The following ZNF460 variants were observed in gnomAD, a reference collection of about 807,000 sequenced individuals.
ZNF460 encodes the protein zinc finger protein 272.
Under a neutral mutation model 8.4 loss-of-function variants are expected in ZNF460, and 1 was observed. The ratio of observed to expected loss-of-function variants is 0.12; its 90% CI spans 0.04 to 0.56. The LOEUF is 0.56. Among genes scored for constraint, ZNF460 ranks in the 20% least tolerant of loss-of-function variants. ZNF460 has a pLI of 0.91. For synonymous variants in ZNF460, 262 were observed against 259.9 expected, an observed-to-expected ratio of 1.01 and a Z score of -0.08; for missense variants, 477 against 714.8, an observed-to-expected ratio of 0.67 and a Z score of 3.79.
Position 57,292,218 on chromosome 19 carries a change from C to G in ZNF460, c.1677C>G (p.Thr559=), listed in dbSNP as rs779941803. Reference sequence around the variant, plus strand: ...TCAACGGATTCATAGTGGAAGAAACCCTACCATTGTAACAGATGTGGAAAG... The same window carrying G: ...TCAACGGATTCATAGTGGAAGAAACGCTACCATTGTAACAGATGTGGAAAG... ...LDINGFIVEE[T]LPL is the part of the protein sequence containing the mutation. The change falls in exon 3 of 3, where the codon ACC becomes ACG. Residue 559 remains threonine, a synonymous_variant. Coordinates refer to ENST00000360338, the MANE Select transcript of ZNF460 (RefSeq NM_006635.4). 5 of 1,610,274 alleles carry G rather than the reference C, an allele frequency of 3.1e-6. 1 individual carries two copies. Among genetic ancestry groups the G allele is most frequent in the Middle Eastern group, 3.3e-4 (2 of 6,038 alleles).
chr19:57,284,402 T>G, intron 1 of ZNF460, 149 bp from the exon 2 acceptor site: 1 of 966,350 alleles, frequency 1.0e-6, no homozygotes, highest in South Asian at 1.7e-5. Context: ...CACATTCCCC[T>G]TGATCCTAGC....
intron 1 of ZNF460, among the ~76,000 whole-genome samples, chr19:57,283,000 A>AG (rs1262861506): frequency 1.3e-5 from 2 of 151,580 alleles, no homozygotes; most frequent in African/African-American, 2.4e-5. Context: ...AAAAAAAAAA[A>AG]AGAGAGAGAC....
intron 1 of ZNF460, among the ~76,000 whole-genome samples, chr19:57,282,408 A>G (rs1054809241): frequency 1.2e-4 from 19 of 152,218 alleles, no homozygotes; most frequent in African/African-American, 4.3e-4. Flanking sequence ...GATGCCTGCT[A>G]GTAGGACTTA....
At chr19:57,286,482 C>A (rs1324736454) in intron 2 of ZNF460, among the ~76,000 whole-genome samples, 1 of 152,096 alleles carries the variant, frequency 6.6e-6, no homozygotes, top group African/African-American at 2.4e-5. Flanking sequence ...AACAATAATG[C>A]AGTCAAGTCA....
chr19:57,285,315 C>T (rs1332970539), intron 2 of ZNF460, among the ~76,000 whole-genome samples: 1 of 152,202 alleles, frequency 6.6e-6, no homozygotes, highest in Non-Finnish European at 1.5e-5. Flanking sequence ...CTGGTGCTGG[C>T]TTCCCTTTAT....
chr19:57,287,975 C>G (rs1223882766), intron 2 of ZNF460, among the ~76,000 whole-genome samples: 1 of 152,000 alleles, frequency 6.6e-6, no homozygotes, highest in Non-Finnish European at 1.5e-5. Context: ...GACGACAGAG[C>G]GAGACCCCAT....
intron 1 of ZNF460, among the ~76,000 whole-genome samples, chr19:57,284,212 AT>A (rs1476762341): frequency 7.3e-5 from 11 of 149,728 alleles, no homozygotes; most frequent in South Asian, 4.2e-4. Flanking sequence ...TTATTTATTT[AT>A]TTATTTTTTA....
chr19:57,293,297 A>G lies in ZNF460; in HGVS notation c.*1067A>G, dbSNP rs2087932509. The G allele has an allele frequency of 6.6e-6, 1 of 152,218 alleles. No individual in the cohort carries two copies. The highest frequency in any genetic ancestry group is 2.1e-4 in the South Asian group (1 of 4,834). The allele number at this position is 152,218 out of a possible 1,614,324, so 9.4% of individuals were successfully genotyped here. A position where few individuals can be genotyped will look rare whatever the true frequency, so the allele number is the denominator to read the frequency against. On this transcript the variant is annotated 3_prime_UTR_variant, in exon 3 of 3. Coordinates refer to ENST00000360338, the MANE Select transcript of ZNF460 (RefSeq NM_006635.4). ...TGATAAACTCAGAAAATAAACACAG[A>G]GAAGGAATCTCATTTTTCAGTCTTA...
intron 2 of ZNF460, among the ~76,000 whole-genome samples, 200 bp downstream of exon 2, chr19:57,284,877 C>T (rs1246445242): frequency 5.5e-5 from 8 of 145,972 alleles, no homozygotes; most frequent in Admixed American, 1.4e-4. Context: ...AGTGAAATGG[C>T]GTGACCTTGG....
intron 2 of ZNF460, among the ~76,000 whole-genome samples, chr19:57,286,833 A>G (rs534758843): frequency 2.3e-3 from 355 of 151,920 alleles, no homozygotes; most frequent in Non-Finnish European, 4.0e-3. Context: ...GCGTGGCGGT[A>G]CACACCTGTA....
intron 2 of ZNF460, among the ~76,000 whole-genome samples, chr19:57,289,788 G>A (rs2087903756): frequency 6.6e-6 from 1 of 151,936 alleles, no homozygotes; most frequent in South Asian, 2.1e-4. Context: ...GATTACTTGA[G>A]CCCAGGAGTT....
At chr19:57,286,403 C>T (rs570626223) in intron 2 of ZNF460, among the ~76,000 whole-genome samples, 144 of 152,260 alleles carry the variant, frequency 9.5e-4, no homozygotes, top group Non-Finnish European at 1.9e-3. Context: ...TATGTGTGTT[C>T]TGACTGCTCC....
In ZNF460 at chr19:57,290,909, G is replaced by T. The variant is rs778744860; in HGVS notation, c.368G>T (p.Ser123Ile). Residue 123 changes from serine (S) to isoleucine (I), a missense_variant, in exon 3 of 3, where the codon AGC becomes ATC. By Grantham distance (142) the Ser-to-Ile change is moderately radical. This residue lies in a region of ZNF460 where 169 missense variants were observed against 178.6 expected (regional missense o/e 0.95). Coordinates refer to ENST00000360338, the MANE Select transcript of ZNF460 (RefSeq NM_006635.4). ...AGTGAGAAACTCCATGGGAAAATGA[G>T]CCTTGAACACGAAGGTTTGGCGACA... ...PQSEKLHGKM[S>I]LEHEGLATAD... 3.1e-6 allele frequency: 5 copies of T among 1,614,072 alleles called. No individual in the cohort carries two copies. Among genetic ancestry groups the T allele is most frequent in the Non-Finnish European group, 4.2e-6 (5 of 1,180,042 alleles).
rs1488081656 is a variant in ZNF460, at chr19:57,280,732, G to C, written c.-75G>C. ...TTTCGGGGGAAAACTGAGGCTCGGAGTGCGAAAGTCAGCCGAGGTCGCCCC... is the reference window on the plus strand; with the variant it reads ...TTTCGGGGGAAAACTGAGGCTCGGACTGCGAAAGTCAGCCGAGGTCGCCCC... On this transcript the variant is annotated 5_prime_UTR_variant, in exon 1 of 3. Coordinates refer to ENST00000360338, the MANE Select transcript of ZNF460 (RefSeq NM_006635.4). 1 of 1,594,788 alleles carries C rather than the reference G, an allele frequency of 6.3e-7. No individual in the cohort carries two copies. The highest frequency in any genetic ancestry group is 1.3e-5 in the African/African-American group (1 of 74,476).
intron 2 of ZNF460, among the ~76,000 whole-genome samples, chr19:57,289,704 T>G (rs566285719): frequency 6.6e-6 from 1 of 152,112 alleles, no homozygotes; most frequent in East Asian, 1.9e-4. Flanking sequence ...GGTTTCTCTT[T>G]AAAAATTTCA....
rs1164063445 is a variant in ZNF460 at position 57,280,737 on chromosome 19, A to G, written c.-70A>G. 6.2e-6 allele frequency: 10 copies of G among 1,601,150 alleles called. No homozygotes were observed. The highest frequency in any genetic ancestry group is 8.5e-6 in the Non-Finnish European group (10 of 1,173,092). On this transcript the variant is annotated 5_prime_UTR_variant, in exon 1 of 3. Coordinates refer to ENST00000360338, the MANE Select transcript of ZNF460 (RefSeq NM_006635.4). ...GGGGAAAACTGAGGCTCGGAGTGCG[A>G]AAGTCAGCCGAGGTCGCCCCGCCCA...
intron 2 of ZNF460, among the ~76,000 whole-genome samples, chr19:57,289,449 T>C (rs1478618053): frequency 1.3e-5 from 2 of 152,212 alleles, no homozygotes; most frequent in East Asian, 3.8e-4. Flanking sequence ...CTAAGGCTAA[T>C]ATGTCCTTCT....
rs76193276 is a variant in ZNF460, at chr19:57,287,564, C to G, written c.157+2887C>G. Among the ~76,000 whole-genome samples the G allele has an allele frequency of 4.8e-3, 730 of 152,288 alleles. 7 individuals carry two copies. The highest frequency in any genetic ancestry group is 0.016 in the African/African-American group (681 of 41,540). On this transcript the variant is annotated intron_variant, in intron 2 of 2. Transcript: ENST00000360338. ...TCTTGAACTCCTGGCCTGCACTGATCTTCCCTCCTTGGCCTCCTAAAGTGC... is the reference window on the plus strand; with the variant it reads ...TCTTGAACTCCTGGCCTGCACTGATGTTCCCTCCTTGGCCTCCTAAAGTGC...
At position 57,280,781 on chromosome 19, in the gene ZNF460, G is replaced by C. The variant is rs1010484031; in HGVS notation, c.-26G>C. On this transcript the variant is annotated 5_prime_UTR_variant, in exon 1 of 3. Transcript: ENST00000360338. ...CCGCCCAGGACAGAGAAGGGCTGTGGTCGGCTGATCCGCGGCATTCCCGGG... is the reference window on the plus strand; with the variant it reads ...CCGCCCAGGACAGAGAAGGGCTGTGCTCGGCTGATCCGCGGCATTCCCGGG... 1.2e-6 allele frequency: 2 copies of C among 1,613,782 alleles called. No homozygotes were observed. Among genetic ancestry groups the C allele is most frequent in the Non-Finnish European group, 1.7e-6 (2 of 1,179,906 alleles).
Sources: gnomAD v4.1 joint callset for allele counts (sites outside exome capture counted in the v4.1 genomes callset) on GRCh38, gnomAD v4.1.1 for gene constraint, gnomAD v4.1.1 regional missense constraint, MANE v1.5 for transcripts, NCBI Gene and HGNC (gene_info 2026-07-23, HGNC 2026-07-21) for gene names.